MAPK8: variants seen among roughly 807,000 people sequenced by gnomAD.
The protein encoded by MAPK8 is mitogen-activated protein kinase 8, also known as JUN N-terminal kinase.
Under a neutral mutation model 52.9 loss-of-function variants are expected in MAPK8, and 13 were observed. That is an observed-to-expected ratio of 0.25 (90% confidence interval 0.16 to 0.39). MAPK8 has a LOEUF of 0.39. Among genes scored for constraint, MAPK8 ranks in the 10% least tolerant of loss-of-function variants. MAPK8 has a pLI of 1.00. For synonymous variants in MAPK8, 191 were observed against 169.8 expected (o/e 1.12, Z -0.97); for missense variants, 300 against 519.2 (o/e 0.58, Z 4.10).
chr10:48,376,018 A>G (rs1393604474), intron 1 of MAPK8, among the ~76,000 whole-genome samples: 1 of 152,226 alleles, frequency 6.6e-6, no homozygotes, highest in African/African-American at 2.4e-5. Flanking sequence ...CTAAAACAGT[A>G]TGGTACTGAT....
chr10:48,328,931 T>C (rs1453550237), intron 1 of MAPK8, among the ~76,000 whole-genome samples: 2 of 151,200 alleles, frequency 1.3e-5, no homozygotes, highest in Non-Finnish European at 2.9e-5. Flanking sequence ...AATTTGATTT[T>C]TCTGCATCTC....
At chr10:48,308,796 G>A (rs1841658127) in intron 1 of MAPK8, among the ~76,000 whole-genome samples, 1 of 152,004 alleles carries the variant, frequency 6.6e-6, no homozygotes, top group South Asian at 2.1e-4. Context: ...TGAAATGTTT[G>A]GTTTTAAGTT....
chr10:48,349,824 ATCCAGGAGCTGG>A (rs1294975127), intron 1 of MAPK8, among the ~76,000 whole-genome samples: 1 of 152,340 alleles, frequency 6.6e-6, no homozygotes. Context: ...AAATCAGTGA[ATCCAGGAGCTGG>A]TTGTTTGAAA....
At chr10:48,355,564 C>G in intron 1 of MAPK8, among the ~76,000 whole-genome samples, 1 of 149,600 alleles carries the variant, frequency 6.7e-6, no homozygotes, top group South Asian at 2.1e-4. Context: ...TATATAAACT[C>G]AAAAAAGGAA....
chr10:48,341,808 G>C (rs1845296312), intron 1 of MAPK8, among the ~76,000 whole-genome samples: 2 of 152,234 alleles, frequency 1.3e-5, no homozygotes, highest in Admixed American at 6.5e-5. Flanking sequence ...GACAGGGAAA[G>C]CTTCCCTGAG....
chr10:48,436,206 T>A lies in MAPK8; in HGVS notation c.*1177T>A, dbSNP rs367923445. 1.1e-4 allele frequency: 16 copies of A among 152,376 alleles called. No homozygotes were observed. The highest frequency in any genetic ancestry group is 3.8e-4 in the African/African-American group (16 of 41,592). The allele number at this position is 152,376 out of a possible 1,614,324, so 9.4% of individuals were successfully genotyped here. A position where few individuals can be genotyped will look rare whatever the true frequency, so the allele number is the denominator to read the frequency against. On this transcript the variant is annotated 3_prime_UTR_variant, in exon 12 of 12. Transcript: ENST00000374189. Reference sequence around the variant, plus strand: ...ATATAGGATATCATTTTCTAAGGACTGTTTCTTCACATTGAGCAGAGCAGG... The same window carrying A: ...ATATAGGATATCATTTTCTAAGGACAGTTTCTTCACATTGAGCAGAGCAGG...
intron 1 of MAPK8, among the ~76,000 whole-genome samples, chr10:48,340,238 T>C (rs1390931980): frequency 6.6e-6 from 1 of 152,210 alleles, no homozygotes; most frequent in Non-Finnish European, 1.5e-5. Flanking sequence ...AATGAAATAA[T>C]GTCCTTTACA....
chr10:48,409,112 A>G (rs1197256704), intron 3 of MAPK8, among the ~76,000 whole-genome samples: 2 of 152,232 alleles, frequency 1.3e-5, no homozygotes, highest in Non-Finnish European at 1.5e-5. Flanking sequence ...GGGACAATCA[A>G]TCTGTAACAC....
At chr10:48,419,513 A>G (rs1379484997) in intron 5 of MAPK8, among the ~76,000 whole-genome samples, 4 of 152,218 alleles carry the variant, frequency 2.6e-5, no homozygotes, top group Admixed American at 1.3e-4. Flanking sequence ...AGTAGTATCT[A>G]TAGCAAGTAA....
intron 1 of MAPK8, among the ~76,000 whole-genome samples, chr10:48,330,147 A>G (rs1466795165): frequency 6.6e-6 from 1 of 152,226 alleles, no homozygotes; most frequent in Admixed American, 6.5e-5. Flanking sequence ...TAGAGTACTG[A>G]TAACTGCTTT....
At chr10:48,328,949 GTTTCA>G (rs138998323) in intron 1 of MAPK8, among the ~76,000 whole-genome samples, 9,317 of 152,206 alleles carry the variant, frequency 0.061, 952 homozygotes, top group African/African-American at 0.21. Context: ...CTCTACAGTT[GTTTCA>G]TTACTTAGTA....
Position 48,426,090 on chromosome 10 carries a change from A to G in MAPK8, c.871+20A>G. On this transcript the variant is annotated intron_variant, in intron 8 of 11. Coordinates refer to ENST00000374189, the MANE Select transcript of MAPK8 (RefSeq NM_001323329.2). Reference sequence around the variant, plus strand: ...TTAAAGGTACTTTTTACAAATATGTACATTTAATCCCATTTGGGGTGTGTA... The same window carrying G: ...TTAAAGGTACTTTTTACAAATATGTGCATTTAATCCCATTTGGGGTGTGTA... 6.3e-7 allele frequency: 1 copy of G among 1,592,234 alleles called. No homozygotes were observed. Among genetic ancestry groups the G allele is most frequent in the Non-Finnish European group, 8.6e-7 (1 of 1,166,424 alleles).
chr10:48,340,325 T>C (rs1027975127), intron 1 of MAPK8, among the ~76,000 whole-genome samples: 7 of 152,160 alleles, frequency 4.6e-5, no homozygotes, highest in African/African-American at 9.7e-5. Flanking sequence ...TTCTTACTTA[T>C]AAGTGGGAGC....
intron 1 of MAPK8, among the ~76,000 whole-genome samples, chr10:48,376,916 A>C (rs1459989543): frequency 6.6e-6 from 1 of 152,206 alleles, no homozygotes; most frequent in Non-Finnish European, 1.5e-5. Flanking sequence ...ACACATGCAC[A>C]TGTATGTTTA....
intron 10 of MAPK8, chr10:48,430,759 A>T (rs1362979965): frequency 6.0e-6 from 1 of 166,932 alleles, no homozygotes; most frequent in African/African-American, 2.4e-5. Flanking sequence ...TTGGTAGCAT[A>T]TATCTAGTTG....
At chr10:48,379,578 C>T (rs1247991426) in intron 1 of MAPK8, among the ~76,000 whole-genome samples, 2 of 152,006 alleles carry the variant, frequency 1.3e-5, no homozygotes, top group Non-Finnish European at 2.9e-5. Flanking sequence ...GTATACTTTA[C>T]CTAATTGCTA....
chr10:48,420,216 G>A lies in MAPK8; in HGVS notation c.512G>A (p.Gly171Asp). 1 of 1,613,716 alleles carries A rather than the reference G, an allele frequency of 6.2e-7. No homozygotes were observed. The highest frequency in any genetic ancestry group is 8.5e-7 in the Non-Finnish European group (1 of 1,179,742). The change falls in exon 6 of 12, where the codon GGT (glycine) becomes GAT (aspartate). Residue 171 changes from glycine to aspartate, a missense_variant. Physicochemically the swap from Gly to Asp is moderately conservative, Grantham distance 94. Transcript: ENST00000374189. ...SDCTLKILDF[G>D]LARTAGTSFM... Reference sequence around the variant, plus strand: ...TGCACTTTGAAGATTCTTGACTTCGGTCTGGCCAGGACTGCAGGAACGAGT... The same window carrying A: ...TGCACTTTGAAGATTCTTGACTTCGATCTGGCCAGGACTGCAGGAACGAGT...
At chr10:48,349,488 A>G (rs1192178675) in intron 1 of MAPK8, among the ~76,000 whole-genome samples, 1 of 152,234 alleles carries the variant, frequency 6.6e-6, no homozygotes, top group Non-Finnish European at 1.5e-5. Context: ...ACACAACTAC[A>G]TGGAAACCGA....
At chr10:48,329,017 A>G (rs2132230967) in intron 1 of MAPK8, among the ~76,000 whole-genome samples, 1 of 152,342 alleles carries the variant, frequency 6.6e-6, no homozygotes, top group South Asian at 2.1e-4. Flanking sequence ...AACAAATATT[A>G]TGTGCCAACA....
Sources: allele counts gnomAD v4.1 joint callset (sites outside exome capture counted in the v4.1 genomes callset), GRCh38; gene constraint gnomAD v4.1.1; transcripts MANE v1.5; gene names NCBI Gene and HGNC (gene_info 2026-07-23, HGNC 2026-07-21).